The following CRISPLD2 variants were observed in gnomAD, a reference collection of about 807,000 sequenced individuals.
The protein encoded by CRISPLD2 is cysteine-rich secretory protein LCCL domain-containing 2.
In CRISPLD2, 47 loss-of-function variants were observed where a neutral mutation model predicts 71.1. The observed-to-expected ratio is 0.66, with a 90% confidence interval of 0.52 to 0.84. CRISPLD2 has a LOEUF of 0.84. Among genes scored for constraint, CRISPLD2 ranks in the 40% least tolerant of loss-of-function variants. The pLI is 0.00. For synonymous variants in CRISPLD2, 317 were observed against 250.1 expected (o/e 1.27, Z -2.52); for missense variants, 830 against 651.1 (o/e 1.27, Z -2.99).
intron 13 of CRISPLD2, among the ~76,000 whole-genome samples, chr16:84,885,504 C>G (rs143023174): frequency 7.0e-4 from 107 of 152,356 alleles, no homozygotes; most frequent in African/African-American, 2.5e-3. Context: ...CCTGTGCTGA[C>G]ATCAGCCCCT....
chr16:84,855,086 G>A (rs945134831), intron 6 of CRISPLD2, among the ~76,000 whole-genome samples: 2 of 152,042 alleles, frequency 1.3e-5, no homozygotes, highest in African/African-American at 4.8e-5. Flanking sequence ...GCCGGGCTCT[G>A]CAGATGCTGG....
intron 5 of CRISPLD2, among the ~76,000 whole-genome samples, chr16:84,854,315 C>G (rs113067468): frequency 0.016 from 2,444 of 152,208 alleles, 21 homozygotes; most frequent in South Asian, 0.023. Context: ...AACTGGGAAA[C>G]GCAAGCCGTC....
chr16:84,877,316 C>T, intron 11 of CRISPLD2, 122 bp from the exon 12 acceptor site: 1 of 813,376 alleles, frequency 1.2e-6, no homozygotes, highest in Non-Finnish European at 2.0e-6. Context: ...GTAGTCCCAG[C>T]TCTATTCAAG....
At position 84,872,481 on chromosome 16, in the gene CRISPLD2, G is replaced by A. The variant is rs1425958340; in HGVS notation, c.954G>A (p.Lys318=). 5.6e-6 allele frequency: 9 copies of A among 1,613,910 alleles called. No homozygotes were observed. The highest frequency in any genetic ancestry group is 7.6e-6 in the Non-Finnish European group (9 of 1,179,950). Residue 318 remains lysine (K), a synonymous_variant, in exon 9 of 15, where the codon AAG becomes AAA. Transcript: ENST00000262424. ...CPAGCLNHKA[K]IFGTLFYESS... ...CAGGCTGCCTGAACCACAAGGCGAA[G>A]ATCTTTGGAACTCTGTTCTATGAAA...
In CRISPLD2 at chr16:84,838,750, C is replaced by T. The variant is rs200740189; in HGVS notation, c.240+15C>T. ...TGGAGTACATGGTGAGCGCCGGCTC[C>T]GGCCGCAGAGGCTGGCACCGGGGGT... On this transcript the variant is annotated intron_variant, in intron 2 of 14. Coordinates refer to ENST00000262424, the MANE Select transcript of CRISPLD2 (RefSeq NM_031476.4). 1.1e-4 allele frequency: 174 copies of T among 1,606,744 alleles called. No individual in the cohort carries two copies. The highest frequency in any genetic ancestry group is 9.2e-4 in the East Asian group (41 of 44,656).
In CRISPLD2 at chr16:84,906,936, G is replaced by A. The variant is rs2071808218; in HGVS notation, c.*294G>A. ...TCTGAGCTGTCTCTTAAAGGGGACA[G>A]TTGCCCAAAATGTTCCTTGCTATGT... On this transcript the variant is annotated 3_prime_UTR_variant, in exon 15 of 15. Coordinates refer to ENST00000262424, the MANE Select transcript of CRISPLD2 (RefSeq NM_031476.4). 4.3e-6 allele frequency: 2 copies of A among 460,370 alleles called. No homozygotes were observed. The highest frequency in any genetic ancestry group is 4.7e-5 in the South Asian group (2 of 42,470). The allele number at this position is 460,370 out of a possible 1,614,324, so 28.5% of individuals were successfully genotyped here.
At chr16:84,859,174 G>A (rs1567690716) in intron 6 of CRISPLD2, among the ~76,000 whole-genome samples, 1 of 152,154 alleles carries the variant, frequency 6.6e-6, no homozygotes, top group Admixed American at 6.5e-5. Context: ...AGCCAAAGTG[G>A]GGGTTCTGCC....
chr16:84,853,844 G>A (rs939499093), intron 5 of CRISPLD2, among the ~76,000 whole-genome samples: 7 of 152,268 alleles, frequency 4.6e-5, no homozygotes, highest in Non-Finnish European at 7.3e-5. Context: ...CAGAAAGGGA[G>A]ACCGAGGCTG....
intron 6 of CRISPLD2, among the ~76,000 whole-genome samples, chr16:84,866,016 C>A (rs569802484): frequency 1.5e-4 from 23 of 152,228 alleles, no homozygotes; most frequent in African/African-American, 5.5e-4. Flanking sequence ...ACAGAAGCAA[C>A]AATTGAGCTG....
chr16:84,834,642 G>A (rs974226059), intron 1 of CRISPLD2, among the ~76,000 whole-genome samples: 5 of 152,186 alleles, frequency 3.3e-5, no homozygotes, highest in Non-Finnish European at 5.9e-5. Context: ...GATGTGTGTT[G>A]GTCTGTTAAG....
chr16:84,873,084 C>T lies in CRISPLD2; in HGVS notation c.1074C>T (p.Phe358=), dbSNP rs775661750. Residue 358 remains phenylalanine, a synonymous_variant, in exon 10 of 15, where the codon TTC becomes TTT. Transcript: ENST00000262424. Reference sequence around the variant, plus strand: ...TCACCAGGAACGGGAAGGTCCCCTTCTTCGTGAAGTCTGAGAGACACGGCG... The same window carrying T: ...TCACCAGGAACGGGAAGGTCCCCTTTTTCGTGAAGTCTGAGAGACACGGCG... ...VDITRNGKVP[F]FVKSERHGVQ... 3.7e-6 allele frequency: 6 copies of T among 1,614,102 alleles called. No individual in the cohort carries two copies. Among genetic ancestry groups the T allele is most frequent in the East Asian group, 4.5e-5 (2 of 44,874 alleles).
chr16:84,849,677 G>C (rs2076993998), intron 4 of CRISPLD2, among the ~76,000 whole-genome samples, 160 bp downstream of exon 4: 1 of 151,972 alleles, frequency 6.6e-6, no homozygotes, highest in African/African-American at 2.4e-5. Context: ...AGAAGAAGCT[G>C]TTTGTTACCA....
chr16:84,851,376 C>G (rs929194160), intron 5 of CRISPLD2, among the ~76,000 whole-genome samples: 1 of 152,340 alleles, frequency 6.6e-6, no homozygotes, highest in Middle Eastern at 3.4e-3. Flanking sequence ...TGGAGAGTCA[C>G]TCCCCCAGTT....
Position 84,849,424 on chromosome 16 carries a change from C to T in CRISPLD2, c.399C>T (p.Asp133=), listed in dbSNP as rs146382941. 20 of 1,614,074 alleles carry T rather than the reference C, an allele frequency of 1.2e-5. No homozygotes were observed. Among genetic ancestry groups the T allele is most frequent in the South Asian group, 4.4e-5 (4 of 91,082 alleles). Residue 133 remains aspartate, a synonymous_variant, in exon 4 of 15, where the codon GAC becomes GAT. Transcript: ENST00000262424. ...SPGFHVQSWY[D]EVKDYTYPYP... ...GGTTCCATGTGCAGTCCTGGTATGA[C>T]GAGGTGAAGGACTACACCTACCCCT...
intron 13 of CRISPLD2, among the ~76,000 whole-genome samples, chr16:84,882,696 C>A (rs777506587): frequency 1.3e-5 from 2 of 152,234 alleles, no homozygotes; most frequent in African/African-American, 2.4e-5. Flanking sequence ...TGAGCCTCTG[C>A]ACCCAGCCAG....
rs1348754657 is a variant in CRISPLD2 at position 84,906,570 on chromosome 16, C to G, written c.1440-18C>G. On this transcript the variant is annotated intron_variant, in intron 14 of 14. Transcript: ENST00000262424. ...TCCAGATCTCTCAGTAACGGGCCCT[C>G]TTTCTTCTTTTTTTCAGCCTGGGGA... 5 of 1,612,088 alleles carry G rather than the reference C, an allele frequency of 3.1e-6. No homozygotes were observed. The highest frequency in any genetic ancestry group is 4.2e-6 in the Non-Finnish European group (5 of 1,179,876).
In CRISPLD2 at chr16:84,877,426, T is replaced by C; in HGVS notation, c.1157-12T>C. ...TGGGACCTGACCCTTTCCCCCTTGC[T>C]CCTGTTCACAGTGCAGGATTTGGAC... On this transcript the variant is annotated splice_polypyrimidine_tract_variant and intron_variant, in intron 11 of 14. Transcript: ENST00000262424. 6 of 1,613,354 alleles carry C rather than the reference T, an allele frequency of 3.7e-6. No individual in the cohort carries two copies. The highest frequency in any genetic ancestry group is 5.1e-6 in the Non-Finnish European group (6 of 1,179,446).
In CRISPLD2 at chr16:84,850,605, T is replaced by G. The variant is rs765577582; in HGVS notation, c.530T>G (p.Val177Gly). Residue 177 changes from valine (V) to glycine (G), a missense_variant, in exon 5 of 15, where the codon GTG becomes GGG. Coordinates refer to ENST00000262424, the MANE Select transcript of CRISPLD2 (RefSeq NM_031476.4). ...ACCACCAACAAGATCGGTTGTGCTGTGAACACCTGCCGGAAGATGACTGTC... is the reference window on the plus strand; with the variant it reads ...ACCACCAACAAGATCGGTTGTGCTGGGAACACCTGCCGGAAGATGACTGTC... Reference protein sequence around the residue: ...WATTNKIGCAVNTCRKMTVWG... With the variant: ...WATTNKIGCAGNTCRKMTVWG... 1.2e-6 allele frequency: 2 copies of G among 1,614,188 alleles called. No homozygotes were observed. The highest frequency in any genetic ancestry group is 1.7e-6 in the Non-Finnish European group (2 of 1,180,032).
intron 6 of CRISPLD2, among the ~76,000 whole-genome samples, chr16:84,857,274 G>C (rs1205900211): frequency 6.6e-6 from 1 of 152,254 alleles, no homozygotes; most frequent in Non-Finnish European, 1.5e-5. Flanking sequence ...TGAGGAAAGA[G>C]ATTGAGTGGT....
Sources: allele counts gnomAD v4.1 joint callset (sites outside exome capture counted in the v4.1 genomes callset), GRCh38; gene constraint gnomAD v4.1.1; transcripts MANE v1.5; gene names NCBI Gene and HGNC (gene_info 2026-07-23, HGNC 2026-07-21).